Variants in DNAJC6 observed in about 807,000 individuals in gnomAD.
The protein encoded by DNAJC6 is auxilin.
A neutral mutation model predicts 110.0 loss-of-function variants in DNAJC6; 34 were observed. The observed-to-expected ratio is 0.31, with a 90% CI of 0.24 to 0.41. The LOEUF is 0.41. Among genes scored for constraint, DNAJC6 ranks in the 10% least tolerant of loss-of-function variants. DNAJC6 has a pLI of 1.00. For synonymous variants in DNAJC6, 406 were observed against 437.2 expected, an observed-to-expected ratio of 0.93 and a Z score of 0.89; for missense variants, 1,031 against 1,207.8, an observed-to-expected ratio of 0.85 and a Z score of 2.17.
At chr1:65,330,974 CA>C (rs1375193871) in intron 1 of DNAJC6, among the ~76,000 whole-genome samples, 1 of 152,190 alleles carries the variant, frequency 6.6e-6, no homozygotes, top group East Asian at 1.9e-4. Context: ...CTCTGAGAAA[CA>C]GCGTGTAAGT....
At chr1:65,277,838 C>T (rs918268243) in intron 1 of DNAJC6, among the ~76,000 whole-genome samples, 2 of 152,198 alleles carry the variant, frequency 1.3e-5, no homozygotes, top group African/African-American at 4.8e-5. Context: ...TCTCTCGAGG[C>T]AGTCTCCTGG....
intron 1 of DNAJC6, among the ~76,000 whole-genome samples, chr1:65,353,452 A>G (rs77898726): frequency 0.014 from 2,127 of 152,248 alleles, 31 homozygotes; most frequent in Middle Eastern, 0.031. Flanking sequence ...TTTATATGAG[A>G]GTTTATTGAG....
chr1:65,297,719 T>C (rs1644941371), intron 1 of DNAJC6, among the ~76,000 whole-genome samples: 1 of 152,186 alleles, frequency 6.6e-6, no homozygotes, highest in South Asian at 2.1e-4. Context: ...GTAGGACTAA[T>C]AAATTAGCTG....
intron 1 of DNAJC6, among the ~76,000 whole-genome samples, chr1:65,332,194 G>A (rs565871389): frequency 3.0e-4 from 46 of 152,016 alleles, no homozygotes; most frequent in Non-Finnish European, 5.6e-4. Context: ...AAATGTTAAC[G>A]TGGGGCACTC....
upstream of DNAJC6, chr1:65,306,614 G>A (rs1462861914): frequency 2.6e-5 from 4 of 152,126 alleles, no homozygotes; most frequent in Admixed American, 6.5e-5. Context: ...AAGACAAAGG[G>A]AATGATTGCT....
intron 15 of DNAJC6, 55 bp from the exon 16 acceptor site, chr1:65,405,813 CAA>C: frequency 6.5e-7 from 1 of 1,531,602 alleles, no homozygotes; most frequent in Non-Finnish European, 8.8e-7. Context: ...TCTTAAGACA[CAA>C]GAGTTAGAGG....
intron 1 of DNAJC6, among the ~76,000 whole-genome samples, chr1:65,303,324 CAG>C (rs1488378921): frequency 6.6e-6 from 1 of 152,162 alleles, no homozygotes; most frequent in Admixed American, 6.5e-5. Flanking sequence ...AATATATTCT[CAG>C]ACTAATATAC....
intron 4 of DNAJC6, among the ~76,000 whole-genome samples, chr1:65,374,902 T>A (rs1376044349): frequency 6.6e-6 from 1 of 152,162 alleles, no homozygotes; most frequent in Non-Finnish European, 1.5e-5. Context: ...TTCAGTACGA[T>A]GTTAGCCATG....
At position 65,323,749 on chromosome 1, in the gene DNAJC6, C is replaced by T. The variant is rs1645216688; in HGVS notation, c.193+13811C>T. On this transcript the variant is annotated intron_variant, in intron 1 of 18. Transcript: ENST00000371069. ...AGCTGGGATTACAAGACTGCGACAC[C>T]ATGCCCAGCTAATTTTTAAATTTTA... is the stretch of plus-strand genomic sequence containing the variant. 5.3e-5 allele frequency among the ~76,000 whole-genome samples: 8 copies of T among 152,114 alleles called. No homozygotes were observed. The South Asian group carries it at 1.7e-3, about 32-fold the overall frequency.
intron 1 of DNAJC6, among the ~76,000 whole-genome samples, chr1:65,326,138 A>G (rs1420672163): frequency 1.3e-5 from 2 of 151,424 alleles, no homozygotes; most frequent in Non-Finnish European, 2.9e-5. Context: ...TTCTGGGACC[A>G]CTCCCCTCTC....
chr1:65,361,953 C>G (rs970616484), intron 1 of DNAJC6, among the ~76,000 whole-genome samples: 2 of 151,678 alleles, frequency 1.3e-5, no homozygotes, highest in African/African-American at 2.4e-5. Flanking sequence ...GAATTTTAAA[C>G]AAAAGTAAGT....
intron 15 of DNAJC6, among the ~76,000 whole-genome samples, chr1:65,402,382 A>G (rs1646038842): frequency 3.9e-5 from 6 of 152,220 alleles, no homozygotes; most frequent in Admixed American, 1.3e-4. Flanking sequence ...TCGTATTTCC[A>G]GAATATTTTC....
intron 6 of DNAJC6, among the ~76,000 whole-genome samples, chr1:65,385,170 G>T (rs1437874906): frequency 1.3e-4 from 20 of 152,142 alleles, no homozygotes; most frequent in Non-Finnish European, 2.8e-4. Flanking sequence ...AAAATACATA[G>T]AGAATAAAGC....
chr1:65,391,481 A>G (rs550957578), intron 11 of DNAJC6, among the ~76,000 whole-genome samples: 1 of 152,236 alleles, frequency 6.6e-6, no homozygotes, highest in East Asian at 1.9e-4. Context: ...ACCCCTTTCA[A>G]GCTGGTATAA....
At chr1:65,270,963 G>A (rs1653485381) in intron 1 of DNAJC6, among the ~76,000 whole-genome samples, 1 of 152,174 alleles carries the variant, frequency 6.6e-6, no homozygotes, top group Admixed American at 6.5e-5. Flanking sequence ...ACAGGTGTGA[G>A]CCACTTGGCC....
intron 1 of DNAJC6, among the ~76,000 whole-genome samples, chr1:65,352,730 C>G (rs1168956085): frequency 6.6e-6 from 1 of 152,190 alleles, no homozygotes; most frequent in African/African-American, 2.4e-5. Context: ...TGATCTTTCT[C>G]TCAGAAGTTG....
chr1:65,409,913 C>A (rs988641500), intron 17 of DNAJC6, among the ~76,000 whole-genome samples: 1 of 151,824 alleles, frequency 6.6e-6, no homozygotes, highest in Non-Finnish European at 1.5e-5. Context: ...TGCAATTCAG[C>A]GAATCTAACC....
Position 65,309,901 on chromosome 1 carries a change from A to G in DNAJC6, c.156A>G (p.Arg52=), listed in dbSNP as rs772276142. 63 of 1,540,202 alleles carry G rather than the reference A, an allele frequency of 4.1e-5. No individual in the cohort carries two copies. Among genetic ancestry groups the G allele is most frequent in the Non-Finnish European group, 5.0e-5 (57 of 1,141,758 alleles). The change falls in exon 1 of 19, where the codon CGA becomes CGG. Residue 52 remains arginine, a synonymous_variant. Transcript: ENST00000371069. Reference sequence around the variant, plus strand: ...GGGCAGCGGCGCGGAGTCCCGCCCGACAGCCTCCGGACCGCGCCAGCACCA... The same window carrying G: ...GGGCAGCGGCGCGGAGTCCCGCCCGGCAGCCTCCGGACCGCGCCAGCACCA... The part of the protein sequence containing the change: ...NAGAAARSPA[R]QPPDRASTMD...
intron 18 of DNAJC6, among the ~76,000 whole-genome samples, chr1:65,412,403 T>G (rs1218528706): frequency 6.6e-6 from 1 of 152,208 alleles, no homozygotes; most frequent in East Asian, 1.9e-4. Context: ...GGCTTGAATT[T>G]GATGCATATG....
Sources: gnomAD v4.1 joint callset for allele counts (sites outside exome capture counted in the v4.1 genomes callset) on GRCh38, gnomAD v4.1.1 for gene constraint, MANE v1.5 for transcripts, NCBI Gene and HGNC (gene_info 2026-07-23, HGNC 2026-07-21) for gene names.